The following PHF3 variants were observed in gnomAD, a reference collection of about 807,000 sequenced individuals.
The protein encoded by PHF3 is PHD finger protein 3.
PHF3 carries 41 observed loss-of-function variants against 178.4 expected under a neutral mutation model. The ratio of observed to expected loss-of-function variants is 0.23; its 90% CI spans 0.18 to 0.30. PHF3 has a LOEUF of 0.30. PHF3 is among the 10% of genes least tolerant of loss of function. The probability of loss-of-function intolerance (pLI) is 1.00; values close to 1 mark genes in which losing one functional copy is unlikely to be tolerated. For synonymous variants in PHF3, 842 were observed against 800.5 expected, an observed-to-expected ratio of 1.05 and a Z score of -0.88; for missense variants, 2,346 against 2,398.1, an observed-to-expected ratio of 0.98 and a Z score of 0.45.
chr6:63,723,297 GAA>G lies in PHF3; in HGVS notation c.*9594_*9595del, dbSNP rs1768477573. Among the ~76,000 whole-genome samples, 1 of 152,144 alleles carries G rather than the reference GAA, an allele frequency of 6.6e-6. No individual in the cohort carries two copies. The highest frequency in any genetic ancestry group is 1.9e-4 in the East Asian group (1 of 5,176). On this transcript the variant is annotated 3_prime_UTR_variant, in exon 16 of 16. Coordinates refer to ENST00000262043, the MANE Select transcript of PHF3 (RefSeq NM_001370348.2). ...CATTATAAACTTTCAGATTAGGAAA[GAA>G]AAAATATACATTGGGTTATACCACC... is the stretch of plus-strand genomic sequence containing the variant.
chr6:63,675,688 C>T lies in PHF3; in HGVS notation c.245-4312C>T, dbSNP rs1766134446. Among the ~76,000 whole-genome samples the T allele has an allele frequency of 1.3e-5, 2 of 152,164 alleles. 1 individual carries two copies. The highest frequency in any genetic ancestry group is 4.8e-5 in the African/African-American group (2 of 41,450). ...CATCTCAAATGCAGTCTTAGTTATT[C>T]TAATTGTAGATTGTTGACCAAGAGG... is the stretch of plus-strand genomic sequence containing the variant. On this transcript the variant is annotated intron_variant, in intron 2 of 15. Transcript: ENST00000262043.
chr6:63,674,162 T>A (rs1162288988), intron 2 of PHF3, among the ~76,000 whole-genome samples: 1 of 151,796 alleles, frequency 6.6e-6, no homozygotes, highest in East Asian at 1.9e-4. Context: ...TAACCATGTT[T>A]CTTTTAAAAA....
At chr6:63,641,828 A>G (rs920956591) in intron 1 of PHF3, among the ~76,000 whole-genome samples, 1 of 151,942 alleles carries the variant, frequency 6.6e-6, no homozygotes, top group Non-Finnish European at 1.5e-5. Flanking sequence ...GGGTTTCGTC[A>G]TATTGGTCAG....
In PHF3 at chr6:63,636,112, C is replaced by T. The variant is rs1187565205; in HGVS notation, c.-64C>T. On this transcript the variant is annotated 5_prime_UTR_variant, in exon 1 of 16. Coordinates refer to ENST00000262043, the MANE Select transcript of PHF3 (RefSeq NM_001370348.2). The stretch of plus-strand genomic sequence containing the variant: ...GGCGGCGGCAGCGTCCACCATCTTC[C>T]TCTTGCTGCCAGTGGTAGCGCTCGT... The T allele has an allele frequency of 3.6e-5, 14 of 391,928 alleles. No homozygotes were observed. The highest frequency in any genetic ancestry group is 3.6e-5 in the East Asian group (1 of 27,724). 24.3% of individuals were successfully genotyped at this position (391,928 alleles called of 1,614,324 possible).
intron 1 of PHF3, among the ~76,000 whole-genome samples, chr6:63,643,767 C>T (rs1764672409): frequency 6.6e-6 from 1 of 152,114 alleles, no homozygotes; most frequent in Admixed American, 6.5e-5. Flanking sequence ...GACTTAAAAA[C>T]AGTACTGGAA....
In PHF3 at chr6:63,685,563, C is replaced by A. The variant is rs1766655578; in HGVS notation, c.1841C>A (p.Ala614Glu). The A allele has an allele frequency of 6.2e-7, 1 of 1,614,094 alleles. No homozygotes were observed. The highest frequency in any genetic ancestry group is 8.5e-7 in the Non-Finnish European group (1 of 1,179,980). ...PGCLKEPHHPAQTGHVSHSSQ... is the reference protein window; with the variant it reads ...PGCLKEPHHPEQTGHVSHSSQ... ...TGCTTGAAAGAACCTCATCATCCTG[C>A]ACAAACTGGACATGTATCACATTCT... Residue 614 changes from alanine to glutamate, a missense_variant, in exon 4 of 16, where the codon GCA (alanine) becomes GAA (glutamate). By Grantham distance (107) the Ala-to-Glu change is moderately radical (BLOSUM62 -1). This residue lies in a region of PHF3 where 843 missense variants were observed against 795.2 expected (regional missense o/e 1.06). Transcript: ENST00000262043.
Position 63,713,183 on chromosome 6 carries a change from A to G in PHF3, c.5595A>G (p.Pro1865=). 2 of 1,614,080 alleles carry G rather than the reference A, an allele frequency of 1.2e-6. No individual in the cohort carries two copies. The highest frequency in any genetic ancestry group is 1.7e-6 in the Non-Finnish European group (2 of 1,179,980). The change falls in exon 16 of 16, where the codon CCA becomes CCG. Residue 1865 remains proline (P), a synonymous_variant. Coordinates refer to ENST00000262043, the MANE Select transcript of PHF3 (RefSeq NM_001370348.2). ...CTGTTGTTCATCTCCCAGGTCAGCC[A>G]CAGCGTATGATGGGTCCTCTCTCAC... The part of the protein sequence containing the change: ...WPPVVHLPGQ[P]QRMMGPLSQA...
At chr6:63,687,788 G>C (rs1766779992) in intron 4 of PHF3, among the ~76,000 whole-genome samples, 1 of 152,092 alleles carries the variant, frequency 6.6e-6, no homozygotes, top group South Asian at 2.1e-4. Flanking sequence ...TAGTCCCTTT[G>C]TTGTTGTTTA....
rs1421680222 is a variant in PHF3, at chr6:63,711,862, T to C, written c.4274T>C (p.Val1425Ala). The C allele has an allele frequency of 2.5e-6, 4 of 1,614,048 alleles. No homozygotes were observed. Among genetic ancestry groups the C allele is most frequent in the Admixed American group, 3.3e-5 (2 of 59,988 alleles). Residue 1425 changes from valine (V) to alanine (A), a missense_variant, in exon 16 of 16, where the codon GTT becomes GCT. By Grantham distance (64) the Val-to-Ala change is moderately conservative (BLOSUM62 0). Around this residue, in one of 8 missense-constraint regions of PHF3, gnomAD observed 839 missense variants for 806.9 expected, o/e 1.04. Coordinates refer to ENST00000262043, the MANE Select transcript of PHF3 (RefSeq NM_001370348.2). ...CTTCAGGAAGACCTTCCAACAGCAG[T>C]TGAACCTTTAATGGAAGTCACCAAA... ...QNLQEDLPTA[V>A]EPLMEVTKQE...
intron 2 of PHF3, among the ~76,000 whole-genome samples, chr6:63,658,161 C>T (rs1473568815): frequency 6.6e-6 from 1 of 152,200 alleles, no homozygotes; most frequent in Non-Finnish European, 1.5e-5. Flanking sequence ...CAGCTCACTA[C>T]TTATACCATC....
In PHF3 at chr6:63,684,819, G is replaced by T; in HGVS notation, c.1097G>T (p.Cys366Phe). 6.2e-7 allele frequency: 1 copy of T among 1,613,978 alleles called. No homozygotes were observed. ...TENSLVGLPS[C>F]VDEVTECNLE... ...AACAGCCTTGTAGGTTTGCCTAGTT[G>T]TGTAGATGAAGTGACTGAATGTAAT... Residue 366 changes from cysteine (C) to phenylalanine (F), a missense_variant, in exon 4 of 16, where the codon TGT becomes TTT. Cys to Phe is a radical substitution (Grantham distance 205). Coordinates refer to ENST00000262043, the MANE Select transcript of PHF3 (RefSeq NM_001370348.2).
In PHF3 at chr6:63,718,713, C is replaced by G. The variant is rs1461085498; in HGVS notation, c.*5005C>G. ...GAAAAGATCGCAGGGGTTCTTGGAC[C>G]ATAGTTTGGGAAGTGCTATTTTAAA... On this transcript the variant is annotated 3_prime_UTR_variant, in exon 16 of 16. Coordinates refer to ENST00000262043, the MANE Select transcript of PHF3 (RefSeq NM_001370348.2). 6.6e-6 allele frequency among the ~76,000 whole-genome samples: 1 copy of G among 151,810 alleles called. No homozygotes were observed. Among genetic ancestry groups the G allele is most frequent in the Non-Finnish European group, 1.5e-5 (1 of 67,898 alleles).
rs1261702937 is a variant in PHF3, at chr6:63,720,771, A to G, written c.*7063A>G. ...CTTTCTACCATATTCAAAGCCCCCT[A>G]GATAACAAATGCCATCATAGTTTAG... On this transcript the variant is annotated 3_prime_UTR_variant, in exon 16 of 16. Transcript: ENST00000262043. 2 of 1,550,878 alleles carry G rather than the reference A, an allele frequency of 1.3e-6. No homozygotes were observed. The highest frequency in any genetic ancestry group is 1.7e-6 in the Non-Finnish European group (2 of 1,146,458).
At chr6:63,640,087 T>A (rs79033282) in intron 1 of PHF3, among the ~76,000 whole-genome samples, 4,812 of 152,294 alleles carry the variant, frequency 0.032, 104 homozygotes, top group South Asian at 0.095. Context: ...CAGATACATT[T>A]AGAAAAGTTA....
At chr6:63,660,631 TAAAC>T (rs1001130092) in intron 2 of PHF3, among the ~76,000 whole-genome samples, 3 of 152,204 alleles carry the variant, frequency 2.0e-5, no homozygotes, top group Admixed American at 6.5e-5. Context: ...TTATTTAACA[TAAAC>T]TTACTGGGAG....
chr6:63,662,151 C>T (rs1765495140), intron 2 of PHF3, among the ~76,000 whole-genome samples: 1 of 152,094 alleles, frequency 6.6e-6, no homozygotes, highest in Non-Finnish European at 1.5e-5. Context: ...AATTTTATCA[C>T]AAAACCACCC....
intron 2 of PHF3, among the ~76,000 whole-genome samples, chr6:63,670,389 C>T (rs557250823): frequency 6.6e-6 from 1 of 152,298 alleles, no homozygotes; most frequent in South Asian, 2.1e-4. Flanking sequence ...CTGCCTCAAC[C>T]TCCCAAGTAG....
rs889083459 is a variant in PHF3 at position 63,716,715 on chromosome 6, C to T, written c.*3007C>T. On this transcript the variant is annotated 3_prime_UTR_variant, in exon 16 of 16. Transcript: ENST00000262043. ...TTGGTTTCTAGCTTCTAGAGGGCAC[C>T]CAATTTCCTTGGCTCATGATCCCTT... Among the ~76,000 whole-genome samples, 1 of 151,768 alleles carries T rather than the reference C, an allele frequency of 6.6e-6. No homozygotes were observed.
chr6:63,708,701 T>A (rs796876136), intron 13 of PHF3, among the ~76,000 whole-genome samples: 12 of 152,318 alleles, frequency 7.9e-5, no homozygotes, highest in African/African-American at 2.9e-4. Flanking sequence ...AATATTATTC[T>A]CCTTTGTGCA....
Sources: gnomAD v4.1 joint callset for allele counts (sites outside exome capture counted in the v4.1 genomes callset) on GRCh38, gnomAD v4.1.1 for gene constraint, gnomAD v4.1.1 regional missense constraint, MANE v1.5 for transcripts, NCBI Gene and HGNC (gene_info 2026-07-23, HGNC 2026-07-21) for gene names.